The following SLC26A5 variants were observed in gnomAD, a reference collection of about 807,000 sequenced individuals.
SLC26A5 encodes solute carrier family 26 member 5.
Under a neutral mutation model 81.0 loss-of-function variants are expected in SLC26A5, and 51 were observed. The ratio of observed to expected loss-of-function variants is 0.63; its 90% CI spans 0.50 to 0.80. The LOEUF is 0.80. Ranked by LOEUF, SLC26A5 falls within the 30% of genes least tolerant of loss-of-function variation. The probability of loss-of-function intolerance (pLI) is 0.00; values close to 1 mark genes in which losing one functional copy is unlikely to be tolerated. For synonymous variants in SLC26A5, 325 were observed against 332.8 expected, an observed-to-expected ratio of 0.98 and a Z score of 0.25; for missense variants, 771 against 905.8, an observed-to-expected ratio of 0.85 and a Z score of 1.91.
chr7:103,424,849 G>A (rs139720963), intron 2 of SLC26A5, among the ~76,000 whole-genome samples: 17 of 152,236 alleles, frequency 1.1e-4, no homozygotes, highest in African/African-American at 3.4e-4. Context: ...TTGAATTACT[G>A]GGTTCAGGGC....
In SLC26A5 at chr7:103,412,988, A is replaced by G. The variant is rs7779997; in HGVS notation, c.403+14T>C. 405,192 of 1,507,310 alleles carry G rather than the reference A, an allele frequency of 0.27. 65,021 individuals are homozygous for G. Among genetic ancestry groups the G allele is most frequent in the African/African-American group, 0.73 (53,144 of 72,712 alleles). The allele number at this position is 1,507,310 out of a possible 1,614,324, so 93.4% of individuals were successfully genotyped here. On this transcript the variant is annotated intron_variant, in intron 5 of 19. Coordinates refer to ENST00000306312, the MANE Select transcript of SLC26A5 (RefSeq NM_198999.3). Reference sequence around the variant, plus strand: ...ACAAGGAAAGGTAATAGAATATCAAATGTAAGCTTTTACCTATGGATATGT... The same window carrying G: ...ACAAGGAAAGGTAATAGAATATCAAGTGTAAGCTTTTACCTATGGATATGT...
intron 4 of SLC26A5, among the ~76,000 whole-genome samples, chr7:103,414,003 G>A (rs1220769503): frequency 6.6e-6 from 1 of 151,564 alleles, no homozygotes; most frequent in Non-Finnish European, 1.5e-5. Flanking sequence ...AAAGTCCATA[G>A]TTTACATGAG....
downstream of SLC26A5, among the ~76,000 whole-genome samples, chr7:103,371,385 C>T (rs1264675837): frequency 3.4e-5 from 5 of 149,074 alleles, no homozygotes; most frequent in Admixed American, 6.7e-5. Flanking sequence ...AGTGCAGTGG[C>T]GCGATCTCGG....
chr7:103,380,842 A>T (rs1821719468), intron 14 of SLC26A5, among the ~76,000 whole-genome samples: 2 of 151,552 alleles, frequency 1.3e-5, no homozygotes, highest in Non-Finnish European at 2.9e-5. Flanking sequence ...TACACATCCC[A>T]ATACCTACCT....
chr7:103,438,701 G>T (rs1826646897), intron 2 of SLC26A5, among the ~76,000 whole-genome samples: 1 of 152,086 alleles, frequency 6.6e-6, no homozygotes. Context: ...TCAGTATATG[G>T]TTTAATGAGT....
intron 2 of SLC26A5, among the ~76,000 whole-genome samples, chr7:103,441,008 C>T (rs1826835939): frequency 6.6e-6 from 1 of 152,194 alleles, no homozygotes; most frequent in African/African-American, 2.4e-5. Context: ...ATGAGGGAAT[C>T]AAGGGCCATA....
chr7:103,382,462 G>A (rs1182512834), intron 14 of SLC26A5, among the ~76,000 whole-genome samples: 1 of 145,348 alleles, frequency 6.9e-6, no homozygotes, highest in East Asian at 2.0e-4. Flanking sequence ...CAATTCTCCT[G>A]CCTCAGCCTC....
chr7:103,441,082 G>C (rs1826840494), intron 2 of SLC26A5, among the ~76,000 whole-genome samples: 1 of 152,188 alleles, frequency 6.6e-6, no homozygotes, highest in African/African-American at 2.4e-5. Context: ...TAGCAAGCTT[G>C]AGAATAGGCT....
chr7:103,410,389 A>G lies in SLC26A5; in HGVS notation c.731T>C (p.Val244Ala). ...GTCAGGTAGTTTCTTACTTACATAC[A>G]CCACGGAAAAGATTCCACTGTACCG... is the stretch of plus-strand genomic sequence containing the variant. ...TKRYSGIFSV[V>A]YSTVAVLQNV... The change falls in exon 7 of 20, where the codon GTG becomes GCG. Residue 244 changes from valine to alanine, a missense_variant. Transcript: ENST00000306312. The G allele has an allele frequency of 6.2e-7, 1 of 1,613,812 alleles. No individual in the cohort carries two copies. The highest frequency in any genetic ancestry group is 1.7e-5 in the Admixed American group (1 of 60,028).
At chr7:103,377,190 T>C (rs1307420488) in intron 18 of SLC26A5, among the ~76,000 whole-genome samples, 1 of 152,206 alleles carries the variant, frequency 6.6e-6, no homozygotes, top group Non-Finnish European at 1.5e-5. Flanking sequence ...AGTTTACTCA[T>C]GCTGGTCTTG....
At chr7:103,438,064 A>C (rs1283526062) in intron 2 of SLC26A5, among the ~76,000 whole-genome samples, 2 of 152,184 alleles carry the variant, frequency 1.3e-5, no homozygotes, top group Non-Finnish European at 2.9e-5. Flanking sequence ...TCAGCCCTCT[A>C]TATCCATAGG....
chr7:103,400,055 G>C (rs1402066076), intron 8 of SLC26A5, among the ~76,000 whole-genome samples: 2 of 151,720 alleles, frequency 1.3e-5, no homozygotes, highest in African/African-American at 4.8e-5. Context: ...CTTTATAGTG[G>C]CATGATTTAT....
chr7:103,432,813 G>A (rs1271979241), intron 2 of SLC26A5, among the ~76,000 whole-genome samples: 2 of 152,068 alleles, frequency 1.3e-5, no homozygotes, highest in African/African-American at 2.4e-5. Context: ...CACTTAAGTC[G>A]TGATGTGTTT....
chr7:103,381,330 A>G (rs1821766587), intron 14 of SLC26A5, among the ~76,000 whole-genome samples: 1 of 151,490 alleles, frequency 6.6e-6, no homozygotes. Context: ...CACCACACAC[A>G]CATATAAACA....
chr7:103,408,064 C>T (rs1481552618), intron 7 of SLC26A5, 61 bp from the exon 8 acceptor site: 1 of 1,595,952 alleles, frequency 6.3e-7, no homozygotes. Context: ...GAGACAGAGA[C>T]ACTCTAGCGC....
chr7:103,362,371 G>A (rs1820461042), intron 19 of SLC26A5: 1 of 1,340,346 alleles, frequency 7.5e-7, no homozygotes, highest in Non-Finnish European at 9.5e-7. Flanking sequence ...GGTTGGGGGA[G>A]TACTTGCTTT....
chr7:103,416,706 T>C (rs990511968), intron 4 of SLC26A5, among the ~76,000 whole-genome samples: 1 of 152,112 alleles, frequency 6.6e-6, no homozygotes, highest in African/African-American at 2.4e-5. Context: ...CTTGTCCATC[T>C]GCTTGCCATA....
intron 2 of SLC26A5, among the ~76,000 whole-genome samples, chr7:103,425,998 C>T (rs183429023): frequency 2.0e-5 from 3 of 152,270 alleles, no homozygotes; most frequent in Admixed American, 2.0e-4. Flanking sequence ...CATCCATGTA[C>T]CCAGCACCCA....
At chr7:103,442,085 T>C (rs1311062791) in intron 2 of SLC26A5, among the ~76,000 whole-genome samples, 1 of 152,168 alleles carries the variant, frequency 6.6e-6, no homozygotes, top group South Asian at 2.1e-4. Flanking sequence ...TTTTAAAAAA[T>C]AAAGATGCCT....
Sources: gnomAD v4.1 joint callset for allele counts (sites outside exome capture counted in the v4.1 genomes callset) on GRCh38, gnomAD v4.1.1 for gene constraint, MANE v1.5 for transcripts, NCBI Gene and HGNC (gene_info 2026-07-23, HGNC 2026-07-21) for gene names.